NKAIN1: variants seen among roughly 807,000 people sequenced by gnomAD.
NKAIN1 encodes sodium/potassium transporting ATPase interacting 1.
NKAIN1 carries 13 observed loss-of-function variants against 31.6 expected under a neutral mutation model. That is an observed-to-expected ratio of 0.41 (90% CI 0.27 to 0.65). The LOEUF (loss-of-function observed/expected upper bound fraction) is 0.65, where lower values mean the gene tolerates loss of function less well. NKAIN1 is among the 30% of genes least tolerant of loss of function. The pLI, the probability that NKAIN1 is intolerant of heterozygous loss-of-function variation, is 0.30. For missense variants in NKAIN1, 193 were observed against 262.2 expected (o/e 0.74, Z 1.82); for synonymous variants, 104 against 109.0 (o/e 0.95, Z 0.28).
intron 3 of NKAIN1, among the ~76,000 whole-genome samples, chr1:31,184,769 C>T (rs918590640): frequency 5.3e-5 from 8 of 152,154 alleles, no homozygotes; most frequent in Non-Finnish European, 8.8e-5. Context: ...CTTATTCAAG[C>T]GAAACAGTCC....
intron 4 of NKAIN1, 89 bp from the exon 5 acceptor site, chr1:31,182,679 A>ATGCCTCCTCCCTTGCC: frequency 7.0e-7 from 1 of 1,436,750 alleles, no homozygotes; most frequent in Non-Finnish European, 9.7e-7. Flanking sequence ...TCTGACTGGC[A>ATGCCTCCTCCCTTGCC]AGGGAGGAGG....
chr1:31,216,830 AT>A (rs1645517264), intron 1 of NKAIN1, among the ~76,000 whole-genome samples: 1 of 150,500 alleles, frequency 6.6e-6, no homozygotes. Flanking sequence ...AGTAGCTGGG[AT>A]TATAGGTGGC....
chr1:31,186,692 A>G (rs1416616999), intron 2 of NKAIN1, among the ~76,000 whole-genome samples: 4 of 152,152 alleles, frequency 2.6e-5, no homozygotes, highest in Non-Finnish European at 5.9e-5. Context: ...CCCTCACTCC[A>G]TCACTTTCCT....
intron 1 of NKAIN1, among the ~76,000 whole-genome samples, chr1:31,229,842 C>A (rs957575860): frequency 2.6e-5 from 4 of 152,184 alleles, no homozygotes; most frequent in Admixed American, 2.0e-4. Flanking sequence ...TGACTCAGAG[C>A]TGGAAGGGTC....
intron 1 of NKAIN1, among the ~76,000 whole-genome samples, chr1:31,200,577 C>A (rs1645372997): frequency 6.6e-6 from 1 of 151,474 alleles, no homozygotes; most frequent in African/African-American, 2.4e-5. Flanking sequence ...CCCACCTCAG[C>A]CTCCTGAGTA....
chr1:31,197,353 C>T (rs1010583716), intron 1 of NKAIN1, among the ~76,000 whole-genome samples: 4 of 150,908 alleles, frequency 2.7e-5, no homozygotes, highest in South Asian at 2.1e-4. Flanking sequence ...CCTCGTGATC[C>T]GCCCGCCTCA....
chr1:31,189,039 C>T (rs75500842), intron 1 of NKAIN1, among the ~76,000 whole-genome samples: 19 of 150,138 alleles, frequency 1.3e-4, no homozygotes, highest in African/African-American at 1.5e-4. Context: ...AAAAAAAAAA[C>T]GGCGTTCATT....
At chr1:31,218,075 T>TCTTTCTTTCTTTCTTTCTTTC (rs1557660009) in intron 1 of NKAIN1, among the ~76,000 whole-genome samples, 5 of 148,340 alleles carry the variant, frequency 3.4e-5, no homozygotes, top group African/African-American at 1.3e-4. Flanking sequence ...TTTCTTTTTT[T>TCTTTCTTTCTTTCTTTCTTTC]TTTTTGAGAT....
chr1:31,218,075 TTTTTTGAGATGGA>T (rs1645532257), intron 1 of NKAIN1, among the ~76,000 whole-genome samples: 2 of 148,224 alleles, frequency 1.3e-5, no homozygotes, highest in African/African-American at 5.1e-5. Context: ...TTTCTTTTTT[TTTTTTGAGATGGA>T]GTCTCGCTCT....
chr1:31,192,674 C>T (rs188444612), intron 1 of NKAIN1, among the ~76,000 whole-genome samples: 220 of 152,164 alleles, frequency 1.4e-3, no homozygotes, highest in Non-Finnish European at 2.3e-3. Flanking sequence ...CCTCAGCCTC[C>T]CGAGTAGCTG....
intron 4 of NKAIN1, among the ~76,000 whole-genome samples, chr1:31,183,436 CTTTTTTTTTTTTT>C (rs3046278): frequency 8.4e-4 from 90 of 106,688 alleles, no homozygotes; most frequent in South Asian, 2.1e-3. Flanking sequence ...TTCATTCCCT[CTTTTTTTTTTTTT>C]TTTTTTTTTT....
chr1:31,220,892 T>C (rs1359252549), intron 1 of NKAIN1, among the ~76,000 whole-genome samples: 1 of 152,068 alleles, frequency 6.6e-6, no homozygotes, highest in African/African-American at 2.4e-5. Flanking sequence ...ATTCACTGAG[T>C]TCCTTCTGAG....
At position 31,239,684 on chromosome 1, in the gene NKAIN1, C is replaced by A. The variant is rs1307923924; in HGVS notation, c.-137G>T. On this transcript the variant is annotated 5_prime_UTR_variant, in exon 1 of 7. Coordinates refer to ENST00000373736, the MANE Select transcript of NKAIN1 (RefSeq NM_024522.3). The surrounding 1 kb of genome is among the most constrained non-coding windows in gnomAD (Gnocchi z 4.8). ...GGGGCCGGGCGCCTAGGGCCGGGCC[C>A]GGGAGTGTCCGGTCCCCAAGGCTGG... 38 of 220,886 alleles carry A rather than the reference C, an allele frequency of 1.7e-4. No homozygotes were observed. Among genetic ancestry groups the A allele is most frequent in the Non-Finnish European group, 2.8e-4 (37 of 132,130 alleles). The allele number at this position is 220,886 out of a possible 1,614,324, so 13.7% of individuals were successfully genotyped here.
At chr1:31,208,121 G>A (rs1645438138) in intron 1 of NKAIN1, among the ~76,000 whole-genome samples, 1 of 152,084 alleles carries the variant, frequency 6.6e-6, no homozygotes, top group African/African-American at 2.4e-5. Context: ...GATGATGGCT[G>A]AGATGTGTTC....
At chr1:31,224,458 A>G (rs1420746706) in intron 1 of NKAIN1, among the ~76,000 whole-genome samples, 1 of 152,128 alleles carries the variant, frequency 6.6e-6, no homozygotes, top group Non-Finnish European at 1.5e-5. Context: ...GCCATCCTAA[A>G]TCGAAAATGC....
At chr1:31,182,167 C>T (rs1645207501) in intron 5 of NKAIN1, among the ~76,000 whole-genome samples, 1 of 151,962 alleles carries the variant, frequency 6.6e-6, no homozygotes, top group Non-Finnish European at 1.5e-5. Flanking sequence ...GGCGGCGAGG[C>T]CGGGCCAGCT....
intron 1 of NKAIN1, among the ~76,000 whole-genome samples, chr1:31,210,201 G>A (rs188906041): frequency 6.6e-6 from 1 of 151,744 alleles, no homozygotes; most frequent in Non-Finnish European, 1.5e-5. Flanking sequence ...AAGCCAGCAG[G>A]TACAAGAACT....
intron 1 of NKAIN1, among the ~76,000 whole-genome samples, chr1:31,228,955 C>T (rs1322254985): frequency 2.6e-5 from 4 of 152,122 alleles, no homozygotes; most frequent in Non-Finnish European, 5.9e-5. Context: ...GCCCCCACCC[C>T]TGCAGAGCCT....
chr1:31,227,522 C>T (rs1199289052), intron 1 of NKAIN1, among the ~76,000 whole-genome samples: 1 of 152,204 alleles, frequency 6.6e-6, no homozygotes, highest in Non-Finnish European at 1.5e-5. Flanking sequence ...AAAGCAGTTA[C>T]AGCAGAATGA....
Sources: allele counts gnomAD v4.1 joint callset (sites outside exome capture counted in the v4.1 genomes callset), GRCh38; gene constraint gnomAD v4.1.1; non-coding constraint Gnocchi (gnomAD v3.1); transcripts MANE v1.5; gene names NCBI Gene and HGNC (gene_info 2026-07-23, HGNC 2026-07-21).